The following TMPRSS3 variants were observed in gnomAD, a reference collection of about 807,000 sequenced individuals.
TMPRSS3 encodes transmembrane protease serine 3.
A neutral mutation model predicts 59.6 loss-of-function variants in TMPRSS3; 55 were observed. That is an observed-to-expected ratio of 0.92 (90% CI 0.74 to 1.16). The LOEUF (loss-of-function observed/expected upper bound fraction) is 1.16. TMPRSS3 is among the 50% of genes most tolerant of loss of function. TMPRSS3 has a pLI of 0.00. For synonymous variants in TMPRSS3, 257 were observed against 237.7 expected (o/e 1.08, Z -0.75); for missense variants, 596 against 579.4 (o/e 1.03, Z -0.29).
chr21:42,379,863 C>T (rs1326127067), intron 10 of TMPRSS3, among the ~76,000 whole-genome samples: 1 of 152,252 alleles, frequency 6.6e-6, no homozygotes, highest in Middle Eastern at 3.4e-3. Context: ...AAGGGAAACA[C>T]CTGCTGTGTT....
chr21:42,379,679 TCTG>T (rs984853245), intron 10 of TMPRSS3, among the ~76,000 whole-genome samples: 6 of 152,150 alleles, frequency 3.9e-5, no homozygotes, highest in Non-Finnish European at 5.9e-5. Flanking sequence ...AGCGATCTCA[TCTG>T]CTGCTGCTTC....
intron 6 of TMPRSS3, among the ~76,000 whole-genome samples, chr21:42,384,853 G>A (rs2052598425): frequency 6.6e-6 from 1 of 152,154 alleles, no homozygotes; most frequent in South Asian, 2.1e-4. Context: ...CTGGGGCAAG[G>A]CATGTGGTCC....
At chr21:42,390,990 A>G (rs2052725470) in intron 2 of TMPRSS3, among the ~76,000 whole-genome samples, 4 of 152,164 alleles carry the variant, frequency 2.6e-5, no homozygotes, top group Admixed American at 2.6e-4. Flanking sequence ...GGCCTCCAGA[A>G]CTGAGACAAT....
rs758465801 is a variant in TMPRSS3 at position 42,395,314 on chromosome 21, G to T, written c.94+10C>A. The T allele has an allele frequency of 1.2e-6, 2 of 1,611,644 alleles. No homozygotes were observed. Among genetic ancestry groups the T allele is most frequent in the Admixed American group, 1.7e-5 (1 of 60,006 alleles). ...CAGAAATCACAGAGTCCTCACCTGG[G>T]TCCACTTACCTGGTGCAACAGGACT... On this transcript the variant is annotated intron_variant, in intron 2 of 12. Transcript: ENST00000644384.
intron 10 of TMPRSS3, among the ~76,000 whole-genome samples, chr21:42,379,490 C>G (rs1478655454): frequency 6.6e-6 from 1 of 152,146 alleles, no homozygotes; most frequent in Non-Finnish European, 1.5e-5. Flanking sequence ...GCCACGCAGA[C>G]TGTGATAATT....
Position 42,395,429 on chromosome 21 carries a change from CA to C in TMPRSS3, c.-13del. The C allele has an allele frequency of 1.2e-6, 2 of 1,612,936 alleles. No individual in the cohort carries two copies. Among genetic ancestry groups the C allele is most frequent in the East Asian group, 4.5e-5 (2 of 44,872 alleles). ...TCATTTTCCCCCATGGTGACTATTTCAGGACCTCTGACATCCGGCTCCGCCT... is the reference window on the plus strand; with the variant it reads ...TCATTTTCCCCCATGGTGACTATTTCGGACCTCTGACATCCGGCTCCGCCT... On this transcript the variant is annotated 5_prime_UTR_variant, in exon 2 of 13. It removes the in-frame stop codon of an upstream open reading frame in the 5' UTR. Coordinates refer to ENST00000644384, the MANE Select transcript of TMPRSS3 (RefSeq NM_001256317.3).
At chr21:42,393,639 G>C (rs1258537396) in intron 2 of TMPRSS3, among the ~76,000 whole-genome samples, 2 of 152,276 alleles carry the variant, frequency 1.3e-5, no homozygotes, top group South Asian at 2.1e-4. Flanking sequence ...ACCTATAGGA[G>C]GACAAGATGA....
At position 42,383,983 on chromosome 21, in the gene TMPRSS3, G is replaced by T; in HGVS notation, c.603C>A (p.Thr201=). The T allele has an allele frequency of 1.2e-6, 2 of 1,614,082 alleles. No homozygotes were observed. The highest frequency in any genetic ancestry group is 1.7e-6 in the Non-Finnish European group (2 of 1,180,006). ...TGGAACTCTTACCTGTGCACTGCAA[G>T]GTAACCACGTGGCCAGAGGCACATC... ...REGCASGHVV[T]LQCTACGHRR... The change falls in exon 7 of 13, where the codon ACC becomes ACA. Residue 201 remains threonine (T), a synonymous_variant. Transcript: ENST00000644384.
intron 9 of TMPRSS3, chr21:42,381,849 T>C (rs55847576): frequency 3.1e-5 from 22 of 701,694 alleles, no homozygotes; most frequent in Admixed American, 1.9e-4. Context: ...CAGGATACAA[T>C]TGAAAATCAC....
rs759550288 is a variant in TMPRSS3, at chr21:42,383,027, ACTC to A, written c.782+3_782+5del. On this transcript the variant is annotated splice_donor_5th_base_variant and intron_variant, in intron 8 of 12. Transcript: ENST00000644384. ...GGGGTCTGGGAAGATGGTCAGCAGCACTCACTCATAAACACAGTGTGCAGCAGT... is the reference window on the plus strand; with the variant it reads ...GGGGTCTGGGAAGATGGTCAGCAGCAACTCATAAACACAGTGTGCAGCAGT... The A allele has an allele frequency of 1.5e-5, 24 of 1,613,890 alleles. No individual in the cohort carries two copies. The highest frequency in any genetic ancestry group is 3.3e-5 in the Admixed American group (2 of 60,014).
intron 9 of TMPRSS3, 36 bp downstream of exon 9, chr21:42,382,029 G>T: frequency 6.2e-7 from 1 of 1,614,108 alleles, no homozygotes; most frequent in Non-Finnish European, 8.5e-7. Context: ...TGAAACAAAG[G>T]AAGAGCTGCA....
chr21:42,377,065 G>A (rs2052443872), intron 10 of TMPRSS3, among the ~76,000 whole-genome samples: 1 of 152,152 alleles, frequency 6.6e-6, no homozygotes, highest in Non-Finnish European at 1.5e-5. Flanking sequence ...GGCTCAGGAG[G>A]GTCACTCACT....
intron 9 of TMPRSS3, 122 bp from the exon 10 acceptor site, chr21:42,380,334 C>T: frequency 3.7e-6 from 3 of 805,068 alleles, no homozygotes; most frequent in African/African-American, 1.7e-5. Context: ...AGGTCAAGCC[C>T]TTGGTTACTT....
intron 3 of TMPRSS3, 125 bp from the exon 4 acceptor site, chr21:42,389,170 T>C (rs1188440311): frequency 6.5e-7 from 1 of 1,534,050 alleles, no homozygotes; most frequent in South Asian, 1.2e-5. Flanking sequence ...TGAAATTGCG[T>C]CCCTGTCAGC....
At chr21:42,380,339 T>A in intron 9 of TMPRSS3, 127 bp from the exon 10 acceptor site, 1 of 794,662 alleles carries the variant, frequency 1.3e-6, no homozygotes, top group South Asian at 1.5e-5. Context: ...AAGCCCTTGG[T>A]TACTTGAAAA....
intron 8 of TMPRSS3, 38 bp downstream of exon 8, chr21:42,382,995 G>C (rs773029163): frequency 6.2e-7 from 1 of 1,612,886 alleles, no homozygotes; most frequent in African/African-American, 1.3e-5. Flanking sequence ...TGACCCAGGA[G>C]TGAACAGGGG....
chr21:42,375,580 G>T (rs2146421130), intron 12 of TMPRSS3, 136 bp downstream of exon 12: 1 of 1,130,520 alleles, frequency 8.8e-7, no homozygotes, highest in Non-Finnish European at 1.3e-6. Flanking sequence ...ACACCCTGGA[G>T]CCACCAAGTC....
chr21:42,379,922 C>T (rs2146430069), intron 10 of TMPRSS3, among the ~76,000 whole-genome samples, 195 bp downstream of exon 10: 2 of 152,188 alleles, frequency 1.3e-5, no homozygotes, highest in South Asian at 2.1e-4. Context: ...TCATGTTGTC[C>T]CCATAACAAT....
chr21:42,387,371 A>T (rs148477870), intron 5 of TMPRSS3, among the ~76,000 whole-genome samples: 1 of 147,092 alleles, frequency 6.8e-6, no homozygotes, highest in African/African-American at 2.5e-5. Context: ...AGCTGTGTGC[A>T]GTGTGTGTGT....
Sources: gnomAD v4.1 joint callset for allele counts (sites outside exome capture counted in the v4.1 genomes callset) on GRCh38, gnomAD v4.1.1 for gene constraint, MANE v1.5 for transcripts, NCBI Gene and HGNC (gene_info 2026-07-23, HGNC 2026-07-21) for gene names.